The following ITFG1 variants were observed in gnomAD, a reference collection of about 807,000 sequenced individuals.
ITFG1 encodes integrin alpha FG-GAP repeat containing 1.
ITFG1 carries 34 observed loss-of-function variants against 81.8 expected under a neutral mutation model. The observed-to-expected ratio is 0.42, with a 90% CI of 0.32 to 0.55. ITFG1 has a LOEUF of 0.55. Ranked by LOEUF, ITFG1 falls within the 20% of genes least tolerant of loss-of-function variation. The probability of loss-of-function intolerance (pLI) is 0.17; values close to 1 mark genes in which losing one functional copy is unlikely to be tolerated. For missense variants in ITFG1, 672 were observed against 755.4 expected (o/e 0.89, Z 1.29); for synonymous variants, 285 against 270.6 (o/e 1.05, Z -0.52).
At chr16:47,414,032 G>C (rs1469624076) in intron 6 of ITFG1, among the ~76,000 whole-genome samples, 1 of 151,714 alleles carries the variant, frequency 6.6e-6, no homozygotes, top group Non-Finnish European at 1.5e-5. Flanking sequence ...TGTTGGCCAG[G>C]CTGGTCTCGA....
intron 5 of ITFG1, chr16:47,450,327 C>A: frequency 5.5e-6 from 1 of 180,402 alleles, no homozygotes; most frequent in South Asian, 7.8e-5. Flanking sequence ...AGCATCAAAG[C>A]ACCCATATTC....
intron 8 of ITFG1, among the ~76,000 whole-genome samples, chr16:47,361,484 A>G (rs189838510): frequency 2.6e-4 from 39 of 152,326 alleles, no homozygotes; most frequent in Middle Eastern, 3.4e-3. Flanking sequence ...ACGTAGAAAG[A>G]GACTCAAGAT....
At chr16:47,438,227 G>A (rs1385680775) in intron 5 of ITFG1, among the ~76,000 whole-genome samples, 1 of 152,220 alleles carries the variant, frequency 6.6e-6, no homozygotes, top group East Asian at 1.9e-4. Flanking sequence ...AAGGAGGCCT[G>A]CCTGCCTGCC....
intron 6 of ITFG1, among the ~76,000 whole-genome samples, chr16:47,407,149 G>A (rs1182345836): frequency 1.3e-5 from 2 of 152,152 alleles, no homozygotes; most frequent in Non-Finnish European, 2.9e-5. Context: ...CATTTATAAC[G>A]GATAATGGGA....
At chr16:47,198,374 T>G (rs1965383477) in intron 14 of ITFG1, among the ~76,000 whole-genome samples, 2 of 152,162 alleles carry the variant, frequency 1.3e-5, no homozygotes, top group Admixed American at 1.3e-4. Flanking sequence ...TGTCATGATG[T>G]CATAGTGTAA....
At chr16:47,456,944 T>C (rs1441887279) in intron 2 of ITFG1, among the ~76,000 whole-genome samples, 2 of 152,164 alleles carry the variant, frequency 1.3e-5, no homozygotes, top group Non-Finnish European at 2.9e-5. Flanking sequence ...GCAGATATGA[T>C]GGAATATCTG....
intron 14 of ITFG1, among the ~76,000 whole-genome samples, chr16:47,164,632 G>A (rs11645785): frequency 3.3e-3 from 500 of 152,330 alleles, no homozygotes; most frequent in Middle Eastern, 0.027. Context: ...TCAGGATCTT[G>A]TTTCCTCCAC....
intron 2 of ITFG1, among the ~76,000 whole-genome samples, chr16:47,455,795 A>T (rs1011894076): frequency 1.6e-4 from 24 of 151,164 alleles, no homozygotes; most frequent in Non-Finnish European, 2.2e-4. Context: ...AAAAAAAAAA[A>T]AAAAGGACTT....
intron 7 of ITFG1, among the ~76,000 whole-genome samples, chr16:47,370,681 C>G (rs1186555634): frequency 6.6e-6 from 1 of 152,196 alleles, no homozygotes; most frequent in Admixed American, 6.5e-5. Context: ...GGCAGCTGCC[C>G]TGCACTTGCT....
chr16:47,345,772 C>T (rs572814452), intron 8 of ITFG1, among the ~76,000 whole-genome samples: 1 of 152,200 alleles, frequency 6.6e-6, no homozygotes, highest in Admixed American at 6.5e-5. Flanking sequence ...AAAGGTACAG[C>T]AAAGAAATGG....
At chr16:47,300,524 C>G (rs770913616) in intron 10 of ITFG1, among the ~76,000 whole-genome samples, 1 of 152,110 alleles carries the variant, frequency 6.6e-6, no homozygotes, top group African/African-American at 2.4e-5. Context: ...TCCCACCTTT[C>G]CTAGAGTGAC....
chr16:47,228,952 C>G (rs1406809797), intron 13 of ITFG1, among the ~76,000 whole-genome samples: 1 of 152,100 alleles, frequency 6.6e-6, no homozygotes, highest in Non-Finnish European at 1.5e-5. Flanking sequence ...TCATACTTAA[C>G]AGTGAATATG....
chr16:47,386,098 T>C (rs963985973), intron 6 of ITFG1, among the ~76,000 whole-genome samples: 3 of 152,130 alleles, frequency 2.0e-5, no homozygotes, highest in Non-Finnish European at 4.4e-5. Context: ...TGCCTACCAA[T>C]TGTAAAAATT....
chr16:47,322,880 T>A (rs942226135), intron 8 of ITFG1, among the ~76,000 whole-genome samples: 1 of 152,188 alleles, frequency 6.6e-6, no homozygotes, highest in Non-Finnish European at 1.5e-5. Context: ...AAACTTAAGC[T>A]TTGTGAATAC....
At chr16:47,403,456 G>A (rs1318322861) in intron 6 of ITFG1, among the ~76,000 whole-genome samples, 1 of 152,020 alleles carries the variant, frequency 6.6e-6, no homozygotes, top group African/African-American at 2.4e-5. Context: ...TACATTAAAA[G>A]AGACTATGGA....
chr16:47,320,776 C>T (rs1344624860), intron 8 of ITFG1, among the ~76,000 whole-genome samples: 2 of 152,154 alleles, frequency 1.3e-5, no homozygotes, highest in Non-Finnish European at 2.9e-5. Context: ...CAGTGGTATG[C>T]TCTGCCTAGG....
At chr16:47,454,187 A>C (rs983017526) in intron 2 of ITFG1, 29 bp from the exon 3 acceptor site, 1 of 1,557,502 alleles carries the variant, frequency 6.4e-7, no homozygotes, top group Non-Finnish European at 8.8e-7. Context: ...TACAAATATC[A>C]GACAAGTTGT....
In ITFG1 at chr16:47,332,679, G is replaced by C. The variant is rs571982849; in HGVS notation, c.803-18856C>G. On this transcript the variant is annotated intron_variant, in intron 8 of 17. Coordinates refer to ENST00000320640, the MANE Select transcript of ITFG1 (RefSeq NM_030790.5). ...TTATAGATGAGAAAATGGAGGCCCA[G>C]AAAGGTTAAGCCATTTGTCTGGGAT... Among the ~76,000 whole-genome samples, 7 of 152,302 alleles carry C rather than the reference G, an allele frequency of 4.6e-5. No homozygotes were observed. The East Asian group carries it at 1.4e-3, about 29-fold the overall frequency.
chr16:47,333,371 T>C (rs1967661228), intron 8 of ITFG1, among the ~76,000 whole-genome samples: 2 of 152,172 alleles, frequency 1.3e-5, no homozygotes, highest in African/African-American at 2.4e-5. Context: ...CCTCTCTTCC[T>C]GAAACTGAAA....
Sources: gnomAD v4.1 joint callset for allele counts (sites outside exome capture counted in the v4.1 genomes callset) on GRCh38, gnomAD v4.1.1 for gene constraint, MANE v1.5 for transcripts, NCBI Gene and HGNC (gene_info 2026-07-23, HGNC 2026-07-21) for gene names.